MIDN: variants seen among roughly 807,000 people sequenced by gnomAD.
MIDN encodes the protein midnolin.
In MIDN, 26 loss-of-function variants were observed where a neutral mutation model predicts 46.1. The ratio of observed to expected loss-of-function variants is 0.56; its 90% CI spans 0.41 to 0.78. The LOEUF is 0.78. Among genes scored for constraint, MIDN ranks in the 30% least tolerant of loss-of-function variants. The pLI, the probability that MIDN is intolerant of heterozygous loss-of-function variation, is 0.00. For missense variants in MIDN, 850 were observed against 771.8 expected (o/e 1.10, Z -1.20); for synonymous variants, 432 against 343.3 (o/e 1.26, Z -2.86).
At position 1,252,018 on chromosome 19, in the gene MIDN, C is replaced by T. The variant is rs963255218; in HGVS notation, c.384+117C>T. ...GGAGGCTGGGGGAGGGGAGGGGACGCGCCACCCCGCCTGGGTGCCAGCCTG... is the reference window on the plus strand; with the variant it reads ...GGAGGCTGGGGGAGGGGAGGGGACGTGCCACCCCGCCTGGGTGCCAGCCTG... On this transcript the variant is annotated intron_variant, in intron 4 of 8. Transcript: ENST00000682408. The T allele has an allele frequency of 6.0e-6, 5 of 832,508 alleles. No homozygotes were observed. In the African/African-American group the frequency reaches 6.8e-5, roughly 11 times the overall value. 51.6% of individuals were successfully genotyped at this position (832,508 alleles called of 1,614,324 possible). A position where few individuals can be genotyped will look rare whatever the true frequency, so the allele number is the denominator to read the frequency against.
chr19:1,251,742 G>T (rs2081131173), intron 3 of MIDN, 93 bp downstream of exon 3: 1 of 1,526,086 alleles, frequency 6.6e-7, no homozygotes. Context: ...ACTACCTGGG[G>T]CCCCCACCCC....
In MIDN at chr19:1,258,940, G is replaced by A. The variant is rs2081234548; in HGVS notation, c.*1668G>A. 6.6e-6 allele frequency: 1 copy of A among 152,084 alleles called. No homozygotes were observed. The highest frequency in any genetic ancestry group is 2.4e-5 in the African/African-American group (1 of 41,412). The allele number at this position is 152,084 out of a possible 1,614,324, so 9.4% of individuals were successfully genotyped here. A position where few individuals can be genotyped will look rare whatever the true frequency, so the allele number is the denominator to read the frequency against. ...AACGTCTGTGCCTCCACTGGTTGAG[G>A]GTGGAACCTCCAGGCAGGAACCGGC... On this transcript the variant is annotated 3_prime_UTR_variant, in exon 9 of 9. Coordinates refer to ENST00000682408, the MANE Select transcript of MIDN (RefSeq NM_001388306.1).
At position 1,257,031 on chromosome 19, in the gene MIDN, G is replaced by A. The variant is rs1423452435; in HGVS notation, c.1295G>A (p.Arg432His). 3 of 1,611,752 alleles carry A rather than the reference G, an allele frequency of 1.9e-6. No homozygotes were observed. The highest frequency in any genetic ancestry group is 1.3e-5 in the African/African-American group (1 of 74,938). ...RLRQTENRAT[R>H]CKVERLQLLL... ...CGGCAGACAGAAAACCGCGCCACGC[G>A]CTGCAAGGTGGAACGGCTGCAGCTG... is the stretch of plus-strand genomic sequence containing the variant. The change falls in exon 9 of 9, where the codon CGC becomes CAC. Residue 432 changes from arginine to histidine, a missense_variant. Physicochemically the swap from Arg to His is conservative, Grantham distance 29. Coordinates refer to ENST00000682408, the MANE Select transcript of MIDN (RefSeq NM_001388306.1).
Position 1,250,161 on chromosome 19 carries a change from C to T in MIDN, c.-136C>T, listed in dbSNP as rs761342877. 21 of 211,384 alleles carry T rather than the reference C, an allele frequency of 9.9e-5. No individual in the cohort carries two copies. The highest frequency in any genetic ancestry group is 1.6e-4 in the Non-Finnish European group (20 of 122,530). The allele number at this position is 211,384 out of a possible 1,614,324, so 13.1% of individuals were successfully genotyped here. A position where few individuals can be genotyped will look rare whatever the true frequency, so the allele number is the denominator to read the frequency against. On this transcript the variant is annotated 5_prime_UTR_variant, in exon 2 of 9. Transcript: ENST00000682408. The stretch of plus-strand genomic sequence containing the variant: ...TCGCATTCCGCGGCCGGGACTTTCT[C>T]GAGGAGGACGCGCGCTGCTCCGCGC...
chr19:1,257,438 A>G lies in MIDN; in HGVS notation c.*166A>G, dbSNP rs2081213888. The G allele has an allele frequency of 1.7e-6, 1 of 599,780 alleles. No homozygotes were observed. Among genetic ancestry groups the G allele is most frequent in the East Asian group, 3.1e-5 (1 of 32,740 alleles). The allele number at this position is 599,780 out of a possible 1,614,324, so 37.2% of individuals were successfully genotyped here. ...TTTTTATTATTTTTTTCTTTTTTTA[A>G]AAAGTTCTGACCGTGGTTTCCTGGA... On this transcript the variant is annotated 3_prime_UTR_variant, in exon 9 of 9. Transcript: ENST00000682408.
At position 1,258,072 on chromosome 19, in the gene MIDN, G is replaced by GC. The variant is rs1437461255; in HGVS notation, c.*801dup. ...CCTGCCCTCCGCCCCGCCCCAGCCG[G>GC]CGGACTGTGCTGTTTCCTCCGCCCC... is the stretch of plus-strand genomic sequence containing the variant. On this transcript the variant is annotated 3_prime_UTR_variant, in exon 9 of 9. Transcript: ENST00000682408. The GC allele has an allele frequency of 1.3e-5, 2 of 152,564 alleles. No individual in the cohort carries two copies. Among genetic ancestry groups the GC allele is most frequent in the African/African-American group, 4.8e-5 (2 of 41,464 alleles). 9.5% of individuals were successfully genotyped at this position (152,564 alleles called of 1,614,324 possible). A position where few individuals can be genotyped will look rare whatever the true frequency, so the allele number is the denominator to read the frequency against.
chr19:1,259,040 C>T lies in MIDN; in HGVS notation c.*1768C>T, dbSNP rs1200250919. Reference sequence around the variant, plus strand: ...TCGGGGGGTCGGGCTGTGGGGGTCCCGGCACCTGGCGTGAGTTTCATGTAT... The same window carrying T: ...TCGGGGGGTCGGGCTGTGGGGGTCCTGGCACCTGGCGTGAGTTTCATGTAT... On this transcript the variant is annotated 3_prime_UTR_variant, in exon 9 of 9. Transcript: ENST00000682408. The T allele has an allele frequency of 1.3e-5, 2 of 148,448 alleles. No homozygotes were observed. Among genetic ancestry groups the T allele is most frequent in the Non-Finnish European group, 3.0e-5 (2 of 67,406 alleles). 9.2% of individuals were successfully genotyped at this position (148,448 alleles called of 1,614,324 possible).
Position 1,251,917 on chromosome 19 carries a change from C to T in MIDN, c.384+16C>T, listed in dbSNP as rs760642897. On this transcript the variant is annotated intron_variant, in intron 4 of 8. Coordinates refer to ENST00000682408, the MANE Select transcript of MIDN (RefSeq NM_001388306.1). Reference sequence around the variant, plus strand: ...GGAGACGCAGGTAAGACCTCGCCAGCCCCTTCCTAACAGGGCAGCCCTGGG... The same window carrying T: ...GGAGACGCAGGTAAGACCTCGCCAGTCCCTTCCTAACAGGGCAGCCCTGGG... 10 of 1,610,488 alleles carry T rather than the reference C, an allele frequency of 6.2e-6. No homozygotes were observed. The African/African-American group carries it at 1.2e-4, about 19-fold the overall frequency.
In MIDN at chr19:1,253,965, G is replaced by T; in HGVS notation, c.396G>T (p.Ala132=). 2 of 1,392,702 alleles carry T rather than the reference G, an allele frequency of 1.4e-6. No individual in the cohort carries two copies. The highest frequency in any genetic ancestry group is 3.4e-5 in the Admixed American group (1 of 29,258). The allele number at this position is 1,392,702 out of a possible 1,614,324, so 86.3% of individuals were successfully genotyped here. ...CTCTGTCCCCACAGCCCCCAGCGGCGCCCGGGCCGGGCCGGGCTGGCGGAG... is the reference window on the plus strand; with the variant it reads ...CTCTGTCCCCACAGCCCCCAGCGGCTCCCGGGCCGGGCCGGGCTGGCGGAG... The part of the protein sequence containing the change: ...ESLTETQPPA[A]PGPGRAGGGG... The change falls in exon 5 of 9, where the codon GCG becomes GCT. Residue 132 remains alanine, a synonymous_variant. Coordinates refer to ENST00000682408, the MANE Select transcript of MIDN (RefSeq NM_001388306.1).
In MIDN at chr19:1,250,261, C is replaced by A; in HGVS notation, c.-36C>A. 1 of 894,422 alleles carries A rather than the reference C, an allele frequency of 1.1e-6. No homozygotes were observed. Among genetic ancestry groups the A allele is most frequent in the Non-Finnish European group, 1.3e-6 (1 of 747,264 alleles). The allele number at this position is 894,422 out of a possible 1,614,324, so 55.4% of individuals were successfully genotyped here. A position where few individuals can be genotyped will look rare whatever the true frequency, so the allele number is the denominator to read the frequency against. On this transcript the variant is annotated 5_prime_UTR_variant, in exon 2 of 9. Coordinates refer to ENST00000682408, the MANE Select transcript of MIDN (RefSeq NM_001388306.1). ...CCGGAGGCGCGGCGAGGATTGGCGG[C>A]GCCCGCCGCCCCCAGCCCCCCAGCG...
intron 8 of MIDN, among the ~76,000 whole-genome samples, chr19:1,256,355 C>T (rs1315471627): frequency 4.6e-5 from 7 of 152,168 alleles, no homozygotes; most frequent in East Asian, 1.9e-4. Flanking sequence ...TGGTGGTGGG[C>T]GCCTGTAGTC....
chr19:1,255,208 C>T, intron 7 of MIDN, 147 bp downstream of exon 7: 2 of 1,178,686 alleles, frequency 1.7e-6, no homozygotes, highest in Non-Finnish European at 2.3e-6. Flanking sequence ...CCAGGAATCC[C>T]CCACACACAC....
Position 1,257,347 on chromosome 19 carries a change from A to C in MIDN, c.*75A>C, listed in dbSNP as rs891554375. On this transcript the variant is annotated 3_prime_UTR_variant, in exon 9 of 9. Coordinates refer to ENST00000682408, the MANE Select transcript of MIDN (RefSeq NM_001388306.1). ...GGGGACTCCGAGAGCCCCGGAGAGA[A>C]CGTGGCCCAGCCCTGGAGGGCAGGC... 2.0e-5 allele frequency: 26 copies of C among 1,328,156 alleles called. No individual in the cohort carries two copies. In the South Asian group the frequency reaches 3.1e-4, roughly 16 times the overall value. The allele number at this position is 1,328,156 out of a possible 1,614,324, so 82.3% of individuals were successfully genotyped here. A position where few individuals can be genotyped will look rare whatever the true frequency, so the allele number is the denominator to read the frequency against.
intron 6 of MIDN, 47 bp downstream of exon 6, chr19:1,254,525 G>T (rs1198887200): frequency 2.0e-6 from 3 of 1,529,538 alleles, no homozygotes; most frequent in African/African-American, 2.7e-5. Context: ...AATCCAAAGG[G>T]TGGGCCGTCC....
At chr19:1,249,703 C>A (rs2081098971) in intron 1 of MIDN, among the ~76,000 whole-genome samples, 187 bp from the exon 2 acceptor site, 1 of 148,616 alleles carries the variant, frequency 6.7e-6, no homozygotes, top group Non-Finnish European at 1.5e-5. Flanking sequence ...GCGGGCCCGG[C>A]TGCCACGTGG....
At position 1,251,920 on chromosome 19, in the gene MIDN, C is replaced by A; in HGVS notation, c.384+19C>A. ...GACGCAGGTAAGACCTCGCCAGCCC[C>A]TTCCTAACAGGGCAGCCCTGGGAGC... On this transcript the variant is annotated intron_variant, in intron 4 of 8. Transcript: ENST00000682408. 1.2e-6 allele frequency: 2 copies of A among 1,609,880 alleles called. No homozygotes were observed. Among genetic ancestry groups the A allele is most frequent in the South Asian group, 2.2e-5 (2 of 90,838 alleles).
At chr19:1,255,142 C>T (rs2081182707) in intron 7 of MIDN, 81 bp downstream of exon 7, 3 of 1,481,150 alleles carry the variant, frequency 2.0e-6, no homozygotes, top group Admixed American at 1.8e-5. Context: ...CCACAGGCGA[C>T]TCCACATATT....
At chr19:1,250,985 G>A (rs1197037097) in intron 2 of MIDN, among the ~76,000 whole-genome samples, 2 of 152,018 alleles carry the variant, frequency 1.3e-5, no homozygotes, top group African/African-American at 4.8e-5. Context: ...TAAATCGCCT[G>A]CAGGCCCGGA....
rs1389437751 is a variant in MIDN at position 1,258,452 on chromosome 19, G to A, written c.*1180G>A. On this transcript the variant is annotated 3_prime_UTR_variant, in exon 9 of 9. Transcript: ENST00000682408. ...CCCTAGGGGTGTCTGTCTCCAGAGGGGAGGGACAAATCCCCTACTGGGGCC... is the reference window on the plus strand; with the variant it reads ...CCCTAGGGGTGTCTGTCTCCAGAGGAGAGGGACAAATCCCCTACTGGGGCC... 2 of 152,548 alleles carry A rather than the reference G, an allele frequency of 1.3e-5. No homozygotes were observed. Among genetic ancestry groups the A allele is most frequent in the African/African-American group, 4.8e-5 (2 of 41,452 alleles). 9.4% of individuals were successfully genotyped at this position (152,548 alleles called of 1,614,324 possible).
Sources: allele counts gnomAD v4.1 joint callset (sites outside exome capture counted in the v4.1 genomes callset), GRCh38; gene constraint gnomAD v4.1.1; transcripts MANE v1.5; gene names NCBI Gene and HGNC (gene_info 2026-07-23, HGNC 2026-07-21).